The following NAALADL2 variants were observed in gnomAD, a reference collection of about 807,000 sequenced individuals.
The protein encoded by NAALADL2 is inactive N-acetylated-alpha-linked acidic dipeptidase-like protein 2.
NAALADL2 carries 76 observed loss-of-function variants against 87.2 expected under a neutral mutation model. That is an observed-to-expected ratio of 0.87 (90% confidence interval 0.72 to 1.05). NAALADL2 has a LOEUF of 1.05. Among genes scored for constraint, NAALADL2 ranks in the 50% least tolerant of loss-of-function variants. The pLI, the probability that NAALADL2 is intolerant of heterozygous loss-of-function variation, is 0.00. For missense variants in NAALADL2, 1,089 were observed against 945.8 expected (o/e 1.15, Z -1.99); for synonymous variants, 354 against 331.0 (o/e 1.07, Z -0.75).
chr3:174,884,210 TG>T (rs2109739146), intron 1 of NAALADL2, among the ~76,000 whole-genome samples: 1 of 152,184 alleles, frequency 6.6e-6, no homozygotes, highest in African/African-American at 2.4e-5. Context: ...TGATGAGTGG[TG>T]CCACTTCCAC....
At chr3:174,856,002 A>AGAGAGAGAAG (rs1725830883), upstream of NAALADL2, among the ~76,000 whole-genome samples, 1 of 132,858 alleles carries the variant, frequency 7.5e-6, no homozygotes, top group African/African-American at 2.9e-5. Flanking sequence ...ATATATATAT[A>AGAGAGAGAAG]TGAGAGAGAG....
chr3:174,908,331 T>C (rs747714438), intron 1 of NAALADL2, among the ~76,000 whole-genome samples: 8 of 152,020 alleles, frequency 5.3e-5, no homozygotes, highest in Non-Finnish European at 1.0e-4. Flanking sequence ...AAGGACAGAA[T>C]AAGTCACTAT....
chr3:175,295,747 T>A (rs200631926), intron 4 of NAALADL2, among the ~76,000 whole-genome samples: 7 of 115,370 alleles, frequency 6.1e-5, no homozygotes, highest in Admixed American at 2.6e-4. Flanking sequence ...ACACACACAC[T>A]CCCTCTCTCT....
intron 3 of NAALADL2, among the ~76,000 whole-genome samples, chr3:174,795,332 A>G (rs185264874): frequency 5.3e-5 from 8 of 152,160 alleles, no homozygotes; most frequent in Non-Finnish European, 1.0e-4. Flanking sequence ...TTATTTAAAT[A>G]TAGTATAATG....
At chr3:175,783,768 C>T (rs1168822760) in intron 13 of NAALADL2, among the ~76,000 whole-genome samples, 1 of 150,910 alleles carries the variant, frequency 6.6e-6, no homozygotes, top group East Asian at 1.9e-4. Flanking sequence ...ACAGGGCATC[C>T]CTGTCTTGTG....
intron 1 of NAALADL2, among the ~76,000 whole-genome samples, chr3:174,932,553 A>G (rs2108426539): frequency 6.6e-6 from 1 of 152,266 alleles, no homozygotes; most frequent in Non-Finnish European, 1.5e-5. Context: ...CATTGGGCAT[A>G]TTAGTTCAAT....
At chr3:175,713,399 CA>C (rs1740796564) in intron 11 of NAALADL2, among the ~76,000 whole-genome samples, 1 of 152,170 alleles carries the variant, frequency 6.6e-6, no homozygotes, top group African/African-American at 2.4e-5. Context: ...TGTGGTGATT[CA>C]TACATTTTTG....
intron 6 of NAALADL2, 87 bp from the exon 7 acceptor site, chr3:175,463,314 G>A (rs1723437544): frequency 1.3e-6 from 1 of 778,536 alleles, no homozygotes; most frequent in East Asian, 2.8e-5. Flanking sequence ...TTCTTTTGCT[G>A]ATGATATTGG....
intron 3 of NAALADL2, among the ~76,000 whole-genome samples, chr3:174,764,146 A>T (rs1463896156): frequency 6.8e-6 from 1 of 146,736 alleles, no homozygotes; most frequent in Non-Finnish European, 1.5e-5. Flanking sequence ...TATTTTTTAA[A>T]CCAAAATTTG....
At chr3:175,184,439 T>C (rs1319428377) in intron 2 of NAALADL2, among the ~76,000 whole-genome samples, 1 of 152,114 alleles carries the variant, frequency 6.6e-6, no homozygotes, top group Non-Finnish European at 1.5e-5. Flanking sequence ...GTTGTGACTA[T>C]TTAGTACATT....
At chr3:174,452,352 A>C (rs549617780) in intron 1 of NAALADL2, among the ~76,000 whole-genome samples, 2 of 152,258 alleles carry the variant, frequency 1.3e-5, no homozygotes, top group South Asian at 4.1e-4. Flanking sequence ...CACTGCTGTG[A>C]ACACCCACAT....
chr3:175,281,147 A>C (rs892627151), intron 4 of NAALADL2, among the ~76,000 whole-genome samples: 13 of 151,046 alleles, frequency 8.6e-5, no homozygotes, highest in African/African-American at 3.1e-4. Flanking sequence ...TGGATTGGTA[A>C]TTGTCACTTA....
At chr3:175,158,985 T>A (rs1406918753) in intron 2 of NAALADL2, among the ~76,000 whole-genome samples, 1 of 152,150 alleles carries the variant, frequency 6.6e-6, no homozygotes, top group Non-Finnish European at 1.5e-5. Flanking sequence ...GAACATGTGA[T>A]AAAGTCATTA....
At chr3:174,615,868 T>A (rs969992912) in intron 2 of NAALADL2, among the ~76,000 whole-genome samples, 2 of 152,102 alleles carry the variant, frequency 1.3e-5, no homozygotes, top group African/African-American at 4.8e-5. Context: ...CCATAGTTTT[T>A]ATTTTATTAA....
chr3:175,613,580 A>T (rs933290522), intron 10 of NAALADL2, among the ~76,000 whole-genome samples: 3 of 152,214 alleles, frequency 2.0e-5, no homozygotes, highest in African/African-American at 7.2e-5. Context: ...ATCCAGGGAC[A>T]TCTGACTGTA....
intron 2 of NAALADL2, among the ~76,000 whole-genome samples, chr3:174,713,876 A>G (rs1239640108): frequency 1.3e-5 from 2 of 152,042 alleles, no homozygotes; most frequent in Non-Finnish European, 2.9e-5. Flanking sequence ...GTCCTTGCCC[A>G]TGCCTATGTC....
intron 2 of NAALADL2, among the ~76,000 whole-genome samples, chr3:174,591,408 A>G (rs1717346058): frequency 6.6e-6 from 1 of 152,210 alleles, no homozygotes; most frequent in African/African-American, 2.4e-5. Context: ...TGTTAGTATG[A>G]GCATTCAATA....
chr3:175,590,152 C>T (rs9857239), intron 10 of NAALADL2, among the ~76,000 whole-genome samples: 117,154 of 149,026 alleles, frequency 0.79, 45,744 homozygotes, highest in East Asian at 0.89. Flanking sequence ...GTGGAGCTGG[C>T]AGTGAGCCAA....
At chr3:175,059,768 G>A in intron 1 of NAALADL2, 1 of 301,032 alleles carries the variant, frequency 3.3e-6, no homozygotes, top group Middle Eastern at 1.3e-3. Context: ...TCTGCTTCCT[G>A]TAGTGTCTTC....
Sources: gnomAD v4.1 joint callset for allele counts (sites outside exome capture counted in the v4.1 genomes callset) on GRCh38, gnomAD v4.1.1 for gene constraint, MANE v1.5 for transcripts, NCBI Gene and HGNC (gene_info 2026-07-23, HGNC 2026-07-21) for gene names.